The following PDGFD variants were observed in gnomAD, a reference collection of about 807,000 sequenced individuals.
PDGFD encodes platelet-derived growth factor D.
In PDGFD, 30 loss-of-function variants were observed where a neutral mutation model predicts 44.7. The ratio of observed to expected loss-of-function variants is 0.67; its 90% CI spans 0.50 to 0.91. The LOEUF is 0.91. Among genes scored for constraint, PDGFD ranks in the 40% least tolerant of loss-of-function variants. PDGFD has a pLI of 0.00. For synonymous variants in PDGFD, 173 were observed against 168.4 expected, an observed-to-expected ratio of 1.03 and a Z score of -0.21; for missense variants, 445 against 457.8, an observed-to-expected ratio of 0.97 and a Z score of 0.25.
At chr11:104,059,629 C>T (rs1262294619) in intron 1 of PDGFD, among the ~76,000 whole-genome samples, 1 of 152,110 alleles carries the variant, frequency 6.6e-6, no homozygotes, top group Non-Finnish European at 1.5e-5. Flanking sequence ...TTCTCAGGTG[C>T]CTTTTTCTTC....
At chr11:104,115,815 G>A (rs766219738) in intron 1 of PDGFD, among the ~76,000 whole-genome samples, 15 of 151,984 alleles carry the variant, frequency 9.9e-5, no homozygotes, top group South Asian at 4.2e-4. Context: ...TCATTTGTTT[G>A]TTGGCCATTT....
chr11:104,109,759 A>G (rs1392458057), intron 1 of PDGFD, among the ~76,000 whole-genome samples: 1 of 152,102 alleles, frequency 6.6e-6, no homozygotes, highest in Non-Finnish European at 1.5e-5. Context: ...ACTATCTAAG[A>G]TACATCATTA....
At chr11:103,959,248 C>T (rs1288291672) in intron 3 of PDGFD, among the ~76,000 whole-genome samples, 1 of 152,158 alleles carries the variant, frequency 6.6e-6, no homozygotes, top group Non-Finnish European at 1.5e-5. Flanking sequence ...GAGCTGCCAC[C>T]CATCATAATT....
chr11:104,150,802 C>T (rs1294975818), intron 1 of PDGFD, among the ~76,000 whole-genome samples: 1 of 152,142 alleles, frequency 6.6e-6, no homozygotes, highest in Non-Finnish European at 1.5e-5. Context: ...CTTGTGACTG[C>T]ATTTAGGGCC....
intron 1 of PDGFD, among the ~76,000 whole-genome samples, chr11:104,035,137 C>T (rs933908682): frequency 6.6e-6 from 1 of 152,012 alleles, no homozygotes; most frequent in African/African-American, 2.4e-5. Context: ...GGGTGGCATC[C>T]TTAATGAATT....
chr11:103,993,957 G>GCCCC (rs1215087393), intron 3 of PDGFD, among the ~76,000 whole-genome samples: 3 of 152,076 alleles, frequency 2.0e-5, no homozygotes, highest in Non-Finnish European at 4.4e-5. Context: ...GAATATACTG[G>GCCCC]TGGAGGTAAA....
intron 1 of PDGFD, among the ~76,000 whole-genome samples, chr11:104,079,370 ATTTCT>A (rs147414188): frequency 0.052 from 7,884 of 151,904 alleles, 226 homozygotes; most frequent in Non-Finnish European, 0.074. Flanking sequence ...CTAAGGGCCA[ATTTCT>A]TTTCTTTTCT....
intron 1 of PDGFD, among the ~76,000 whole-genome samples, chr11:104,158,563 T>C (rs1182770278): frequency 6.6e-6 from 1 of 152,264 alleles, no homozygotes; most frequent in Non-Finnish European, 1.5e-5. Flanking sequence ...CCGGGCGCAC[T>C]GGCTTACGCC....
intron 3 of PDGFD, among the ~76,000 whole-genome samples, chr11:103,985,210 C>T (rs1053485217): frequency 2.6e-5 from 3 of 113,572 alleles, no homozygotes; most frequent in African/African-American, 9.9e-5. Flanking sequence ...AATACACACA[C>T]ATATTTTTTG....
At chr11:104,099,934 G>T (rs1861347324) in intron 1 of PDGFD, among the ~76,000 whole-genome samples, 1 of 151,828 alleles carries the variant, frequency 6.6e-6, no homozygotes, top group Non-Finnish European at 1.5e-5. Context: ...AATGCTAATG[G>T]GTATATTTTG....
intron 1 of PDGFD, among the ~76,000 whole-genome samples, chr11:104,118,791 TTA>T (rs1413765683): frequency 6.5e-5 from 7 of 108,340 alleles, no homozygotes; most frequent in South Asian, 2.4e-4. Context: ...ATATTATATA[TTA>T]TAAATATTAA....
At chr11:104,072,831 T>C (rs1860901007) in intron 1 of PDGFD, among the ~76,000 whole-genome samples, 3 of 152,032 alleles carry the variant, frequency 2.0e-5, no homozygotes, top group Non-Finnish European at 4.4e-5. Flanking sequence ...GACATACACA[T>C]TTGCTCTTTC....
At chr11:104,144,625 A>T (rs919405998) in intron 1 of PDGFD, among the ~76,000 whole-genome samples, 2 of 152,038 alleles carry the variant, frequency 1.3e-5, no homozygotes, top group South Asian at 2.1e-4. Flanking sequence ...TTCAATGTTG[A>T]TGAAGCCATT....
intron 1 of PDGFD, among the ~76,000 whole-genome samples, chr11:104,121,116 A>G (rs1861773048): frequency 6.6e-6 from 1 of 152,054 alleles, no homozygotes. Context: ...ACTGTTTTGT[A>G]GTCTCCCACT....
chr11:104,063,783 C>G (rs1310188156), intron 1 of PDGFD, among the ~76,000 whole-genome samples: 2 of 152,128 alleles, frequency 1.3e-5, no homozygotes, highest in Non-Finnish European at 2.9e-5. Flanking sequence ...ATCATGAGAA[C>G]AGTGTGGGGA....
At chr11:104,001,766 A>G (rs952503122) in intron 1 of PDGFD, among the ~76,000 whole-genome samples, 6 of 152,184 alleles carry the variant, frequency 3.9e-5, no homozygotes, top group African/African-American at 7.2e-5. Flanking sequence ...TTTGAGGACT[A>G]TAATTCAGTG....
At chr11:104,023,759 A>C (rs1820212438) in intron 1 of PDGFD, among the ~76,000 whole-genome samples, 1 of 152,144 alleles carries the variant, frequency 6.6e-6, no homozygotes, top group Admixed American at 6.5e-5. Context: ...CAACTATCAG[A>C]TGGAATTTTA....
intron 3 of PDGFD, among the ~76,000 whole-genome samples, chr11:103,975,517 T>G (rs1023189866): frequency 2.6e-5 from 4 of 152,234 alleles, no homozygotes; most frequent in Non-Finnish European, 4.4e-5. Flanking sequence ...TTGTCAATTT[T>G]GGCTTTTGTT....
At chr11:104,162,522 C>A (rs1032809450) in intron 1 of PDGFD, among the ~76,000 whole-genome samples, 1 of 151,998 alleles carries the variant, frequency 6.6e-6, no homozygotes, top group South Asian at 2.1e-4. Context: ...CAAAAATGCA[C>A]GGCTGGAATC....
Sources: gnomAD v4.1 joint callset for allele counts (sites outside exome capture counted in the v4.1 genomes callset) on GRCh38, gnomAD v4.1.1 for gene constraint, MANE v1.5 for transcripts, NCBI Gene and HGNC (gene_info 2026-07-23, HGNC 2026-07-21) for gene names.